Variants in PCOLCE2 observed in about 807,000 individuals in gnomAD.
The protein encoded by PCOLCE2 is procollagen C-endopeptidase enhancer 2.
A neutral mutation model predicts 47.0 loss-of-function variants in PCOLCE2; 42 were observed. That is an observed-to-expected ratio of 0.89 (90% confidence interval 0.70 to 1.16). The LOEUF is 1.16. PCOLCE2 is among the 50% of genes most tolerant of loss of function. PCOLCE2 has a pLI of 0.00. For missense variants in PCOLCE2, 500 were observed against 526.1 expected (o/e 0.95, Z 0.49); for synonymous variants, 169 against 191.7 (o/e 0.88, Z 0.98).
intron 5 of PCOLCE2, among the ~76,000 whole-genome samples, chr3:142,831,349 G>A (rs1292411937): frequency 6.6e-6 from 1 of 152,206 alleles, no homozygotes; most frequent in East Asian, 1.9e-4. Context: ...GCCATGTGAT[G>A]CCCTGTGCTG....
Position 142,882,199 on chromosome 3 carries a change from T to A in PCOLCE2, c.192+5470A>T, listed in dbSNP as rs1172629198. 1.2e-4 allele frequency among the ~76,000 whole-genome samples: 18 copies of A among 148,354 alleles called. 1 individual carries two copies. The highest frequency in any genetic ancestry group is 3.5e-3 in the Middle Eastern group (1 of 288). ...TGCATACAACCACTCCTGGCTAATT[T>A]AAAAAAAAAAAAATTGCAGAGACAG... On this transcript the variant is annotated intron_variant, in intron 2 of 8. Coordinates refer to ENST00000295992, the MANE Select transcript of PCOLCE2 (RefSeq NM_013363.4).
chr3:142,824,371 C>T (rs1343141644), intron 6 of PCOLCE2, among the ~76,000 whole-genome samples: 2 of 152,084 alleles, frequency 1.3e-5, no homozygotes, highest in Non-Finnish European at 2.9e-5. Flanking sequence ...AAAGGACAGT[C>T]CCCGCAACAC....
At position 142,888,923 on chromosome 3, in the gene PCOLCE2, C is replaced by T; in HGVS notation, c.-27G>A. On this transcript the variant is annotated 5_prime_UTR_variant, in exon 1 of 9. It adds an upstream start codon to the 5' untranslated region. Coordinates refer to ENST00000295992, the MANE Select transcript of PCOLCE2 (RefSeq NM_013363.4). The stretch of plus-strand genomic sequence containing the variant: ...GCAGCGTAGACGCTCGGGGTTTGCA[C>T]CCCACGGCGCGCGCGCCGGCACACA... 2.3e-6 allele frequency: 3 copies of T among 1,322,244 alleles called. No individual in the cohort carries two copies. Among genetic ancestry groups the T allele is most frequent in the Non-Finnish European group, 3.0e-6 (3 of 1,010,218 alleles). The allele number at this position is 1,322,244 out of a possible 1,614,324, so 81.9% of individuals were successfully genotyped here.
chr3:142,872,956 A>C (rs1933423623), intron 2 of PCOLCE2, among the ~76,000 whole-genome samples: 1 of 152,266 alleles, frequency 6.6e-6, no homozygotes. Flanking sequence ...TGAAAACTTA[A>C]ATACATACCA....
chr3:142,822,524 C>A (rs1937026992), intron 7 of PCOLCE2, among the ~76,000 whole-genome samples: 1 of 152,106 alleles, frequency 6.6e-6, no homozygotes, highest in African/African-American at 2.4e-5. Context: ...TTACTTTGAT[C>A]CTGCGTGATA....
At chr3:142,846,953 T>C (rs1428986124) in intron 3 of PCOLCE2, among the ~76,000 whole-genome samples, 2 of 152,248 alleles carry the variant, frequency 1.3e-5, no homozygotes, top group African/African-American at 4.8e-5. Flanking sequence ...GTGAGTTACC[T>C]TGAGATCAGT....
chr3:142,820,479 T>C (rs945502195), intron 8 of PCOLCE2, among the ~76,000 whole-genome samples: 1 of 152,208 alleles, frequency 6.6e-6, no homozygotes, highest in African/African-American at 2.4e-5. Flanking sequence ...TCTCTGCAAA[T>C]GATTCCCAGA....
chr3:142,821,143 C>A, intron 7 of PCOLCE2, 98 bp from the exon 8 acceptor site: 1 of 935,692 alleles, frequency 1.1e-6, no homozygotes, highest in South Asian at 1.7e-5. Flanking sequence ...AGATACGAAA[C>A]ATTTTAATGT....
In PCOLCE2 at chr3:142,848,488, C is replaced by T; in HGVS notation, c.193-16G>A. 6.3e-7 allele frequency: 1 copy of T among 1,583,744 alleles called. No homozygotes were observed. The highest frequency in any genetic ancestry group is 8.6e-7 in the Non-Finnish European group (1 of 1,160,184). On this transcript the variant is annotated splice_polypyrimidine_tract_variant and intron_variant, in intron 2 of 8. Coordinates refer to ENST00000295992, the MANE Select transcript of PCOLCE2 (RefSeq NM_013363.4). The stretch of plus-strand genomic sequence containing the variant: ...CTTCGGGAACCTGCCAAGAAAAGCG[C>T]CAATTAGAAAACTGTCATGAAAACA...
intron 2 of PCOLCE2, among the ~76,000 whole-genome samples, chr3:142,868,793 A>C (rs1469347022): frequency 6.6e-6 from 1 of 152,146 alleles, no homozygotes; most frequent in Non-Finnish European, 1.5e-5. Flanking sequence ...CTCCCTTGTC[A>C]AGTGTGTGCT....
chr3:142,856,692 C>T lies in PCOLCE2; in HGVS notation c.193-8220G>A, dbSNP rs150887094. 2.7e-3 allele frequency among the ~76,000 whole-genome samples: 413 copies of T among 152,310 alleles called. 1 individual carries two copies. Among genetic ancestry groups the T allele is most frequent in the African/African-American group, 9.6e-3 (398 of 41,562 alleles). On this transcript the variant is annotated intron_variant, in intron 2 of 8. Coordinates refer to ENST00000295992, the MANE Select transcript of PCOLCE2 (RefSeq NM_013363.4). ...CAAGAGCTGTCGCATTAGGTTTTGG[C>T]TGGGGAAAGAGATAACGTTGAAAAC...
chr3:142,883,186 G>C (rs1272872956), intron 2 of PCOLCE2, among the ~76,000 whole-genome samples: 2 of 120,194 alleles, frequency 1.7e-5, no homozygotes, highest in East Asian at 5.0e-4. Context: ...GCAACAGAGC[G>C]AGACTCCGTC....
At chr3:142,855,814 G>A (rs1481046927) in intron 2 of PCOLCE2, among the ~76,000 whole-genome samples, 1 of 152,202 alleles carries the variant, frequency 6.6e-6, no homozygotes, top group Non-Finnish European at 1.5e-5. Context: ...AGACAGCAGA[G>A]CCACACAGGA....
intron 3 of PCOLCE2, among the ~76,000 whole-genome samples, chr3:142,843,946 C>T (rs925487112): frequency 2.0e-5 from 3 of 152,008 alleles, no homozygotes; most frequent in Admixed American, 6.6e-5. Flanking sequence ...CAAGTATATA[C>T]AAAGTAAGTA....
intron 5 of PCOLCE2, among the ~76,000 whole-genome samples, chr3:142,837,243 T>C (rs1295194817): frequency 6.6e-6 from 1 of 152,254 alleles, no homozygotes; most frequent in Admixed American, 6.5e-5. Context: ...ACCTTGACTT[T>C]AGTCCAGTGT....
At chr3:142,863,621 T>C (rs930438716) in intron 2 of PCOLCE2, among the ~76,000 whole-genome samples, 1 of 151,826 alleles carries the variant, frequency 6.6e-6, no homozygotes, top group African/African-American at 2.4e-5. Context: ...AGGAAGAGGG[T>C]GTGGGAAGGG....
At chr3:142,855,551 C>G (rs1386054298) in intron 2 of PCOLCE2, among the ~76,000 whole-genome samples, 2 of 152,198 alleles carry the variant, frequency 1.3e-5, no homozygotes, top group East Asian at 3.9e-4. Flanking sequence ...TTTCCATGAC[C>G]TGACTGTGGC....
chr3:142,869,201 G>A (rs1343117972), intron 2 of PCOLCE2, among the ~76,000 whole-genome samples: 1 of 152,016 alleles, frequency 6.6e-6, no homozygotes, highest in African/African-American at 2.4e-5. Context: ...TGAGGCAGGA[G>A]AACGGTGTGA....
At chr3:142,871,580 T>C (rs1933386958) in intron 2 of PCOLCE2, among the ~76,000 whole-genome samples, 1 of 152,228 alleles carries the variant, frequency 6.6e-6, no homozygotes, top group Non-Finnish European at 1.5e-5. Flanking sequence ...TCCTCGATAA[T>C]GTGGGTGGCC....
Sources: gnomAD v4.1 joint callset for allele counts (sites outside exome capture counted in the v4.1 genomes callset) on GRCh38, gnomAD v4.1.1 for gene constraint, MANE v1.5 for transcripts, NCBI Gene and HGNC (gene_info 2026-07-23, HGNC 2026-07-21) for gene names.